The following NRG1 variants were observed in gnomAD, a reference collection of about 807,000 sequenced individuals.
NRG1 encodes the protein pro-neuregulin-1, membrane-bound isoform.
In NRG1, 18 loss-of-function variants were observed where a neutral mutation model predicts 63.8. The ratio of observed to expected loss-of-function variants is 0.28; its 90% CI spans 0.19 to 0.42. The LOEUF (loss-of-function observed/expected upper bound fraction) is 0.42. Ranked by LOEUF, NRG1 falls within the 10% of genes least tolerant of loss-of-function variation. The pLI is 1.00. For missense variants in NRG1, 762 were observed against 814.7 expected (o/e 0.94, Z 0.79); for synonymous variants, 302 against 301.3 (o/e 1.00, Z -0.02).
chr8:32,131,196 A>G (rs1453773808), intron 1 of NRG1, among the ~76,000 whole-genome samples: 1 of 152,026 alleles, frequency 6.6e-6, no homozygotes, highest in Non-Finnish European at 1.5e-5. Context: ...GTTCCCAGTT[A>G]TGAAATATTA....
At chr8:32,098,134 CAAGAGGGCCTGAT>C (rs369182335) in intron 1 of NRG1, among the ~76,000 whole-genome samples, 6 of 151,874 alleles carry the variant, frequency 4.0e-5, no homozygotes, top group Non-Finnish European at 5.9e-5. Context: ...GGGAAGAAAC[CAAGAGGGCCTGAT>C]GTCATAAAGG....
chr8:32,463,932 G>T (rs1381541999), intron 1 of NRG1, among the ~76,000 whole-genome samples: 8 of 90,586 alleles, frequency 8.8e-5, no homozygotes, highest in Admixed American at 3.1e-4. Flanking sequence ...GTCTCATTCT[G>T]TTGCCAGGCT....
intron 1 of NRG1, among the ~76,000 whole-genome samples, chr8:32,043,333 T>C (rs1447889531): frequency 6.6e-6 from 1 of 152,004 alleles, no homozygotes; most frequent in East Asian, 1.9e-4. Flanking sequence ...AAAAATATTA[T>C]ATCCAACAAA....
chr8:32,647,439 A>G (rs917075260), intron 5 of NRG1: 2 of 985,338 alleles, frequency 2.0e-6, no homozygotes, highest in Non-Finnish European at 2.4e-6. Context: ...TGTCCTCTTG[A>G]CGAGCCCGGG....
chr8:32,524,108 G>A (rs566553687), intron 1 of NRG1, among the ~76,000 whole-genome samples: 2 of 152,104 alleles, frequency 1.3e-5, no homozygotes, highest in South Asian at 2.1e-4. Flanking sequence ...GCAACATGGC[G>A]AAACTCTGTT....
chr8:32,579,229 C>A (rs183927301), intron 1 of NRG1, among the ~76,000 whole-genome samples: 1 of 129,262 alleles, frequency 7.7e-6, no homozygotes, highest in East Asian at 2.2e-4. Flanking sequence ...GATACTATTG[C>A]CACTGGGATG....
chr8:31,759,750 G>T (rs970171932), intron 1 of NRG1, among the ~76,000 whole-genome samples: 1 of 152,042 alleles, frequency 6.6e-6, no homozygotes, highest in African/African-American at 2.4e-5. Flanking sequence ...TTAAAAAGCT[G>T]GCTCAGAGTT....
chr8:31,675,333 C>T (rs1807576463), intron 1 of NRG1, among the ~76,000 whole-genome samples: 1 of 152,132 alleles, frequency 6.6e-6, no homozygotes, highest in African/African-American at 2.4e-5. Flanking sequence ...AAAAGCAAAA[C>T]TCCATCTCAA....
chr8:32,690,938 AGT>A (rs113081002), intron 5 of NRG1, among the ~76,000 whole-genome samples: 18,065 of 130,816 alleles, frequency 0.14, 1,588 homozygotes, highest in African/African-American at 0.28. Flanking sequence ...TTTCCCTCTC[AGT>A]GTGTGTGTGT....
intron 1 of NRG1, among the ~76,000 whole-genome samples, chr8:32,029,149 G>A (rs193035414): frequency 2.1e-4 from 32 of 152,200 alleles, no homozygotes; most frequent in Admixed American, 7.8e-4. Context: ...TATTATTTGC[G>A]TACCTCATTT....
chr8:32,355,210 G>A (rs1287838795), intron 1 of NRG1, among the ~76,000 whole-genome samples: 1 of 152,152 alleles, frequency 6.6e-6, no homozygotes, highest in Non-Finnish European at 1.5e-5. Context: ...TGTAATCCTA[G>A]CACTTTGGGT....
At chr8:32,767,116 A>G (rs935544564) in exon 12 of NRG1, 8 of 152,200 alleles carry the variant, frequency 5.3e-5, no homozygotes, top group African/African-American at 1.7e-4. Flanking sequence ...TTCACCTAAG[A>G]TTCACTTTCT....
intron 1 of NRG1, among the ~76,000 whole-genome samples, chr8:31,761,748 A>T (rs573464502): frequency 6.5e-4 from 99 of 152,318 alleles, no homozygotes; most frequent in South Asian, 1.7e-3. Flanking sequence ...GATTACCATA[A>T]CAAATATAAT....
At chr8:32,412,405 T>G (rs1815102361) in intron 1 of NRG1, among the ~76,000 whole-genome samples, 1 of 105,844 alleles carries the variant, frequency 9.4e-6, no homozygotes, top group Non-Finnish European at 2.0e-5. Context: ...CTCTCCTCTC[T>G]CTCTCTCTCT....
intron 1 of NRG1, among the ~76,000 whole-genome samples, chr8:32,236,815 C>G (rs139026400): frequency 6.6e-6 from 1 of 152,288 alleles, no homozygotes; most frequent in Non-Finnish European, 1.5e-5. Context: ...CTGTCCCCTT[C>G]AGCTAATGTG....
intron 1 of NRG1, among the ~76,000 whole-genome samples, chr8:32,433,755 A>T (rs1051543886): frequency 6.6e-6 from 1 of 152,174 alleles, no homozygotes; most frequent in Non-Finnish European, 1.5e-5. Flanking sequence ...TAAAATTTTC[A>T]GTCTCAGTAG....
At chr8:31,910,959 T>C (rs1320573629) in intron 1 of NRG1, among the ~76,000 whole-genome samples, 1 of 152,144 alleles carries the variant, frequency 6.6e-6, no homozygotes, top group East Asian at 1.9e-4. Flanking sequence ...AGTGCATCTT[T>C]CAAGGAGTGT....
At chr8:31,967,225 A>G (rs1009997836) in intron 1 of NRG1, among the ~76,000 whole-genome samples, 1 of 152,144 alleles carries the variant, frequency 6.6e-6, no homozygotes, top group African/African-American at 2.4e-5. Context: ...CAGTTGCATG[A>G]ACTTAGTATA....
intron 1 of NRG1, among the ~76,000 whole-genome samples, chr8:32,161,974 A>T (rs948221075): frequency 1.4e-4 from 22 of 152,328 alleles, no homozygotes; most frequent in Admixed American, 1.2e-3. Context: ...CTTAGTGCTC[A>T]GGAAGAGGAA....
Sources: allele counts gnomAD v4.1 joint callset (sites outside exome capture counted in the v4.1 genomes callset), GRCh38; gene constraint gnomAD v4.1.1; transcripts MANE v1.5; gene names NCBI Gene and HGNC (gene_info 2026-07-23, HGNC 2026-07-21).